NTSR2: variants seen among roughly 807,000 people sequenced by gnomAD.
The protein encoded by NTSR2 is neurotensin receptor 2.
A neutral mutation model predicts 24.1 loss-of-function variants in NTSR2; 22 were observed. The ratio of observed to expected loss-of-function variants is 0.91; its 90% confidence interval spans 0.65 to 1.30. The LOEUF is 1.30. NTSR2 is among the 50% of genes most tolerant of loss of function. The pLI is 0.00. For synonymous variants in NTSR2, 291 were observed against 267.0 expected (o/e 1.09, Z -0.88); for missense variants, 570 against 570.4 (o/e 1.00, Z 0.01).
chr2:11,669,459 C>CGGGGCGGGG, intron 1 of NTSR2, 47 bp downstream of exon 1: 5 of 337,888 alleles, frequency 1.5e-5, no homozygotes, highest in Non-Finnish European at 1.6e-5. Flanking sequence ...CTCCCAGCAC[C>CGGGGCGGGG]GCCCCCCCAC....
At chr2:11,668,428 G>C (rs1007272444) in intron 1 of NTSR2, among the ~76,000 whole-genome samples, 8 of 152,204 alleles carry the variant, frequency 5.3e-5, no homozygotes, top group African/African-American at 1.9e-4. Context: ...GCCTCACCTG[G>C]GGACGTGCCA....
At position 11,662,129 on chromosome 2, in the gene NTSR2, G is replaced by T. The variant is rs202235575; in HGVS notation, c.736C>A (p.Pro246Thr). ...LCSQVPSTSTPGSSTPSRLEL... is the reference protein window; with the variant it reads ...LCSQVPSTSTTGSSTPSRLEL... ...AGGCGGCTGGGGGTGGAGCTGCCCG[G>T]GGTAGAAGTGGACGGCACTTGGGAG... Residue 246 changes from proline (P) to threonine (T), a missense_variant, in exon 2 of 4, where the codon CCG becomes ACG. By Grantham distance (38) the Pro-to-Thr change is conservative (BLOSUM62 -1). Transcript: ENST00000306928. 1 of 1,611,078 alleles carries T rather than the reference G, an allele frequency of 6.2e-7. No homozygotes were observed. Among genetic ancestry groups the T allele is most frequent in the South Asian group, 1.1e-5 (1 of 90,672 alleles).
chr2:11,664,577 A>G (rs975316388), intron 1 of NTSR2, among the ~76,000 whole-genome samples: 1 of 152,338 alleles, frequency 6.6e-6, no homozygotes, highest in African/African-American at 2.4e-5. Flanking sequence ...GTGACCATCA[A>G]TTTAGTTTGT....
intron 3 of NTSR2, among the ~76,000 whole-genome samples, chr2:11,659,445 T>A (rs1661022985): frequency 6.6e-6 from 1 of 152,234 alleles, no homozygotes; most frequent in African/African-American, 2.4e-5. Flanking sequence ...ATGTTGCCCG[T>A]GCAAGTGTAA....
chr2:11,664,011 C>A (rs900526789), intron 1 of NTSR2, among the ~76,000 whole-genome samples: 1 of 152,022 alleles, frequency 6.6e-6, no homozygotes, highest in Non-Finnish European at 1.5e-5. Flanking sequence ...TTATATAATA[C>A]CCTGTGTTTT....
Position 11,669,953 on chromosome 2 carries a change from C to T in NTSR2, c.177G>A (p.Lys59=). Reference sequence around the variant, plus strand: ...GGCGCCCCGCGCGCCCGGCCCGCGCCTTCAGCACCACGTGCGCGGACAGCG... The same window carrying T: ...GGCGCCCCGCGCGCCCGGCCCGCGCTTTCAGCACCACGTGCGCGGACAGCG... ...GNALSAHVVL[K]ARAGRAGRLR... Residue 59 remains lysine (K), a synonymous_variant, in exon 1 of 4, where the codon AAG becomes AAA. Transcript: ENST00000306928. 2 of 1,512,670 alleles carry T rather than the reference C, an allele frequency of 1.3e-6. No individual in the cohort carries two copies. The highest frequency in any genetic ancestry group is 2.5e-5 in the South Asian group (2 of 79,814). 93.7% of individuals were successfully genotyped at this position (1,512,670 alleles called of 1,614,324 possible). A position where few individuals can be genotyped will look rare whatever the true frequency, so the allele number is the denominator to read the frequency against.
In NTSR2 at chr2:11,666,186, A is replaced by G. The variant is rs116031689; in HGVS notation, c.624+3320T>C. On this transcript the variant is annotated intron_variant, in intron 1 of 3. Coordinates refer to ENST00000306928, the MANE Select transcript of NTSR2 (RefSeq NM_012344.4). ...GATCTCCCAGGCAAAGAGAGCAGAG[A>G]GATGAGGTTGCGGGTCTCCAGCTGG... Among the ~76,000 whole-genome samples, 453 of 152,244 alleles carry G rather than the reference A, an allele frequency of 3.0e-3. 1 individual carries two copies. Among genetic ancestry groups the G allele is most frequent in the African/African-American group, 0.011 (438 of 41,528 alleles).
chr2:11,660,531 C>T (rs1421238682), intron 2 of NTSR2, among the ~76,000 whole-genome samples: 9 of 152,074 alleles, frequency 5.9e-5, no homozygotes, highest in Admixed American at 2.6e-4. Flanking sequence ...TTTGGGAAGC[C>T]GAGGCAGGTG....
intron 1 of NTSR2, among the ~76,000 whole-genome samples, chr2:11,662,762 C>T (rs1034373239): frequency 2.6e-5 from 4 of 151,786 alleles, no homozygotes; most frequent in African/African-American, 9.7e-5. Flanking sequence ...GCCTGGGCAA[C>T]AGAGCGAGAC....
At chr2:11,666,559 C>T (rs775399237) in intron 1 of NTSR2, among the ~76,000 whole-genome samples, 2 of 152,048 alleles carry the variant, frequency 1.3e-5, no homozygotes, top group African/African-American at 2.4e-5. Context: ...ATTAGCTGGG[C>T]GTGGTGGCAC....
rs776087846 is a variant in NTSR2, at chr2:11,660,113, C to T, written c.919G>A (p.Val307Ile). 6.2e-7 allele frequency: 1 copy of T among 1,613,608 alleles called. No homozygotes were observed. The highest frequency in any genetic ancestry group is 8.5e-7 in the Non-Finnish European group (1 of 1,179,928). Residue 307 changes from valine to isoleucine, a missense_variant, in exon 3 of 4, where the codon GTC (valine) becomes ATC (isoleucine). Val to Ile is a conservative substitution (Grantham distance 29). Transcript: ENST00000306928. ...GCATGGTACGGCAGCCAGCAGATGA[C>T]ATACATGACCACGATGGCTCCTGCA... ...QVLRAIVVMY[V>I]ICWLPYHARR... is the part of the protein sequence containing the mutation.
chr2:11,660,173 AG>A, intron 2 of NTSR2, 40 bp from the exon 3 acceptor site: 8 of 1,489,492 alleles, frequency 5.4e-6, no homozygotes, highest in Non-Finnish European at 7.5e-6. Context: ...GCCAGGAGAA[AG>A]CAAACACATT....
intron 1 of NTSR2, chr2:11,665,913 C>G (rs1191052093): frequency 6.5e-6 from 1 of 154,700 alleles, no homozygotes; most frequent in African/African-American, 2.4e-5. Flanking sequence ...CAGATTCAAA[C>G]AGGTCCTCAA....
chr2:11,667,212 T>A (rs889991613), intron 1 of NTSR2, among the ~76,000 whole-genome samples: 1 of 152,202 alleles, frequency 6.6e-6, no homozygotes, highest in African/African-American at 2.4e-5. Context: ...TTCAATTTTT[T>A]ATTTTGGCTG....
At position 11,662,188 on chromosome 2, in the gene NTSR2, T is replaced by C. The variant is rs1661088966; in HGVS notation, c.677A>G (p.Asn226Ser). 2 of 1,574,886 alleles carry C rather than the reference T, an allele frequency of 1.3e-6. No individual in the cohort carries two copies. The highest frequency in any genetic ancestry group is 1.4e-5 in the African/African-American group (1 of 73,540). Residue 226 changes from asparagine (N) to serine (S), a missense_variant, in exon 2 of 4, where the codon AAT (asparagine) becomes AGT (serine). Asn to Ser is a conservative substitution (Grantham distance 46). Transcript: ENST00000306928. ...CAGCAGGTGGCTCACTGTGACCCCATTCAGGAAAGCAGTTAGTGCCAAGGG... is the reference window on the plus strand; with the variant it reads ...CAGCAGGTGGCTCACTGTGACCCCACTCAGGAAAGCAGTTAGTGCCAAGGG... ...VLPLALTAFL[N>S]GVTVSHLLAL...
Position 11,669,809 on chromosome 2 carries a change from G to A in NTSR2, c.321C>T (p.Gly107=). ...CGTGCACGAAGTAGTAGCCGCGGCA[G>A]CCCAGGTCGCCGAAGACCCAGGGGT... The part of the protein sequence containing the change: ...FHYPWVFGDL[G]CRGYYFVHEL... The change falls in exon 1 of 4, where the codon GGC becomes GGT. Residue 107 remains glycine (G), a synonymous_variant. Transcript: ENST00000306928. 1.3e-6 allele frequency: 2 copies of A among 1,565,884 alleles called. No homozygotes were observed. The highest frequency in any genetic ancestry group is 1.7e-6 in the Non-Finnish European group (2 of 1,162,930).
At chr2:11,669,463 C>CGGGGGGGGGGGG in intron 1 of NTSR2, 43 bp downstream of exon 1, 1 of 157,422 alleles carries the variant, frequency 6.4e-6, no homozygotes, top group East Asian at 1.6e-4. Flanking sequence ...CAGCACCGCC[C>CGGGGGGGGGGGG]CCCCACCCCC....
In NTSR2 at chr2:11,661,355, A is replaced by G. The variant is rs958430624; in HGVS notation, c.898+612T>C. On this transcript the variant is annotated intron_variant, in intron 2 of 3. Transcript: ENST00000306928. ...GACTTTGTGTTACTTATCACATCACATTGCACTTAGCTCTTGCATCTCTGT... is the reference window on the plus strand; with the variant it reads ...GACTTTGTGTTACTTATCACATCACGTTGCACTTAGCTCTTGCATCTCTGT... Among the ~76,000 whole-genome samples, 5 of 152,274 alleles carry G rather than the reference A, an allele frequency of 3.3e-5. No individual in the cohort carries two copies. The East Asian group carries it at 9.7e-4, about 29-fold the overall frequency.
At chr2:11,663,098 A>C (rs1218790302) in intron 1 of NTSR2, among the ~76,000 whole-genome samples, 1 of 152,274 alleles carries the variant, frequency 6.6e-6, no homozygotes, top group Admixed American at 6.5e-5. Context: ...ACCCAGCCAT[A>C]TTATGACAAA....
Sources: allele counts gnomAD v4.1 joint callset (sites outside exome capture counted in the v4.1 genomes callset), GRCh38; gene constraint gnomAD v4.1.1; transcripts MANE v1.5; gene names NCBI Gene and HGNC (gene_info 2026-07-23, HGNC 2026-07-21).